The following PDGFRL variants were observed in gnomAD, a reference collection of about 807,000 sequenced individuals.
The protein encoded by PDGFRL is platelet derived growth factor receptor like.
Under a neutral mutation model 37.2 loss-of-function variants are expected in PDGFRL, and 46 were observed. The ratio of observed to expected loss-of-function variants is 1.24; its 90% CI spans 0.98 to 1.58. PDGFRL has a LOEUF of 1.58. Ranked by LOEUF, PDGFRL falls within the 40% of genes most tolerant of loss-of-function variation. PDGFRL has a pLI of 0.00. For missense variants in PDGFRL, 692 were observed against 467.6 expected (o/e 1.48, Z -4.43); for synonymous variants, 251 against 184.3 (o/e 1.36, Z -2.93).
intron 1 of PDGFRL, among the ~76,000 whole-genome samples, chr8:17,581,871 C>T (rs965146245): frequency 5.3e-5 from 8 of 152,050 alleles, no homozygotes; most frequent in African/African-American, 1.9e-4. Context: ...GCGAAATGAA[C>T]TAACACAGAA....
At chr8:17,594,857 A>C (rs567598331) in intron 2 of PDGFRL, among the ~76,000 whole-genome samples, 1 of 152,208 alleles carries the variant, frequency 6.6e-6, no homozygotes, top group African/African-American at 2.4e-5. Context: ...ACATTTTTGT[A>C]ATCCATCATC....
At chr8:17,602,909 C>G (rs79103929) in intron 2 of PDGFRL, among the ~76,000 whole-genome samples, 8,529 of 152,250 alleles carry the variant, frequency 0.056, 853 homozygotes, top group African/African-American at 0.19. Flanking sequence ...GCCTTTCAGG[C>G]TACGTAGTGG....
chr8:17,599,134 C>T (rs574328536), intron 2 of PDGFRL, among the ~76,000 whole-genome samples: 1 of 152,304 alleles, frequency 6.6e-6, no homozygotes, highest in East Asian at 1.9e-4. Flanking sequence ...ACTTCTCTCT[C>T]TCTTTTAAAA....
At chr8:17,639,124 C>T (rs1447820606) in intron 5 of PDGFRL, among the ~76,000 whole-genome samples, 2 of 152,008 alleles carry the variant, frequency 1.3e-5, no homozygotes, top group Non-Finnish European at 2.9e-5. Context: ...TATCTTTTCC[C>T]AGCCCTTTAC....
At chr8:17,625,040 G>A (rs1194082628) in intron 3 of PDGFRL, among the ~76,000 whole-genome samples, 2 of 151,750 alleles carry the variant, frequency 1.3e-5, no homozygotes, top group South Asian at 4.2e-4. Context: ...TGCACAATGT[G>A]CAGGTTAGTT....
intron 4 of PDGFRL, among the ~76,000 whole-genome samples, chr8:17,629,262 C>T (rs1804810879): frequency 6.6e-6 from 1 of 152,050 alleles, no homozygotes; most frequent in African/African-American, 2.4e-5. Context: ...TTCCCTTCTG[C>T]CCCACCACTT....
chr8:17,599,548 C>T (rs1375904820), intron 2 of PDGFRL, among the ~76,000 whole-genome samples: 3 of 152,128 alleles, frequency 2.0e-5, no homozygotes, highest in Non-Finnish European at 4.4e-5. Context: ...TGACCCTGTT[C>T]ATCTACTTTC....
chr8:17,636,573 G>C (rs1177470478), intron 5 of PDGFRL, among the ~76,000 whole-genome samples: 2 of 129,932 alleles, frequency 1.5e-5, no homozygotes, highest in Non-Finnish European at 3.3e-5. Context: ...TTTTTTTTTT[G>C]CTTAGTCTTG....
intron 4 of PDGFRL, among the ~76,000 whole-genome samples, chr8:17,633,463 A>G (rs1044946023): frequency 6.6e-6 from 1 of 152,116 alleles, no homozygotes. Context: ...GGGAGGCAGA[A>G]CTTGCAGTGA....
chr8:17,608,646 G>T (rs2129701305), intron 2 of PDGFRL, among the ~76,000 whole-genome samples: 1 of 152,260 alleles, frequency 6.6e-6, no homozygotes, highest in East Asian at 1.9e-4. Flanking sequence ...ATATATAAAG[G>T]CAGTCTACTA....
chr8:17,594,969 T>G (rs1177407663), intron 2 of PDGFRL, among the ~76,000 whole-genome samples: 2 of 151,646 alleles, frequency 1.3e-5, no homozygotes, highest in East Asian at 3.9e-4. Context: ...TTTAATTCTT[T>G]TGGATGTATA....
At chr8:17,614,580 T>C (rs1002724188) in intron 2 of PDGFRL, among the ~76,000 whole-genome samples, 1 of 152,166 alleles carries the variant, frequency 6.6e-6, no homozygotes, top group African/African-American at 2.4e-5. Flanking sequence ...TATGTTTTAA[T>C]TTTGTAAACT....
At chr8:17,620,727 T>G (rs1378588291) in intron 2 of PDGFRL, among the ~76,000 whole-genome samples, 1 of 152,130 alleles carries the variant, frequency 6.6e-6, no homozygotes, top group Non-Finnish European at 1.5e-5. Flanking sequence ...TTTGAATTGT[T>G]GCAAAAAATA....
At position 17,630,022 on chromosome 8, in the gene PDGFRL, T is replaced by A. The variant is rs1804829749; in HGVS notation, c.799+1242T>A. On this transcript the variant is annotated intron_variant, in intron 4 of 5. Transcript: ENST00000251630. Reference sequence around the variant, plus strand: ...CTGTCCAGGAAAGAACCACCCCGGATGAACACAACTAACCTTCTCCCCATG... The same window carrying A: ...CTGTCCAGGAAAGAACCACCCCGGAAGAACACAACTAACCTTCTCCCCATG... Among the ~76,000 whole-genome samples the A allele has an allele frequency of 1.3e-5, 2 of 152,164 alleles. 1 individual carries two copies. The highest frequency in any genetic ancestry group is 4.1e-4 in the South Asian group (2 of 4,830).
rs553208383 is a variant in PDGFRL at position 17,632,731 on chromosome 8, C to T, written c.800-1343C>T. Among the ~76,000 whole-genome samples the T allele has an allele frequency of 2.3e-4, 35 of 152,206 alleles. No homozygotes were observed. The South Asian group carries it at 3.7e-3, about 16-fold the overall frequency. ...GCCTGAATGGCCTCACATGGACTCACCTCTGTCCTCCTCCCCATCCAGGTC... is the reference window on the plus strand; with the variant it reads ...GCCTGAATGGCCTCACATGGACTCATCTCTGTCCTCCTCCCCATCCAGGTC... On this transcript the variant is annotated intron_variant, in intron 4 of 5. Transcript: ENST00000251630.
At chr8:17,635,646 T>C (rs1332464748) in intron 5 of PDGFRL, among the ~76,000 whole-genome samples, 4 of 152,228 alleles carry the variant, frequency 2.6e-5, no homozygotes, top group Non-Finnish European at 4.4e-5. Context: ...TACCCAGTAA[T>C]GGGATTGCTG....
intron 2 of PDGFRL, among the ~76,000 whole-genome samples, chr8:17,600,799 C>G (rs1804150281): frequency 7.6e-6 from 1 of 132,014 alleles, no homozygotes; most frequent in South Asian, 2.6e-4. Flanking sequence ...AAGACCCCAT[C>G]TCTAAAAAAA....
intron 2 of PDGFRL, among the ~76,000 whole-genome samples, chr8:17,608,224 CCTCT>C (rs926719642): frequency 7.3e-4 from 111 of 152,318 alleles, no homozygotes; most frequent in African/African-American, 2.5e-3. Flanking sequence ...CCAAAGCACT[CCTCT>C]CTCTCCATCC....
chr8:17,623,690 C>G (rs1415744202), intron 3 of PDGFRL, among the ~76,000 whole-genome samples: 1 of 152,072 alleles, frequency 6.6e-6, no homozygotes, highest in Admixed American at 6.6e-5. Flanking sequence ...GCCTGGCCAA[C>G]ATGGAGAAAT....
Sources: gnomAD v4.1 joint callset for allele counts (sites outside exome capture counted in the v4.1 genomes callset) on GRCh38, gnomAD v4.1.1 for gene constraint, MANE v1.5 for transcripts, NCBI Gene and HGNC (gene_info 2026-07-23, HGNC 2026-07-21) for gene names.